Variants in CUX2 observed in about 807,000 individuals in gnomAD.
The protein encoded by CUX2 is cut like homeobox 2.
Under a neutral mutation model 144.8 loss-of-function variants are expected in CUX2, and 40 were observed. The observed-to-expected ratio is 0.28, with a 90% confidence interval of 0.21 to 0.36. The LOEUF (loss-of-function observed/expected upper bound fraction) is 0.36, where lower values mean the gene tolerates loss of function less well. Among genes scored for constraint, CUX2 ranks in the 10% least tolerant of loss-of-function variants. The pLI, the probability that CUX2 is intolerant of heterozygous loss-of-function variation, is 1.00. For synonymous variants in CUX2, 827 were observed against 875.6 expected (o/e 0.94, Z 0.98); for missense variants, 1,615 against 1,994.0 (o/e 0.81, Z 3.62).
intron 1 of CUX2, among the ~76,000 whole-genome samples, chr12:111,049,253 C>T (rs73411401): frequency 0.029 from 4,343 of 152,020 alleles, 187 homozygotes; most frequent in African/African-American, 0.099. Context: ...ACGAATTCCT[C>T]CACCCATCCA....
intron 3 of CUX2, among the ~76,000 whole-genome samples, chr12:111,245,632 T>G (rs1271763296): frequency 6.6e-6 from 1 of 152,092 alleles, no homozygotes; most frequent in Non-Finnish European, 1.5e-5. Flanking sequence ...AGAAAAATGA[T>G]GCTGCTGGTA....
intron 1 of CUX2, among the ~76,000 whole-genome samples, chr12:111,109,469 G>T (rs1367851614): frequency 6.6e-6 from 1 of 152,122 alleles, no homozygotes; most frequent in Non-Finnish European, 1.5e-5. Flanking sequence ...TCCCATCTCT[G>T]GCATGTGGGG....
intron 1 of CUX2, among the ~76,000 whole-genome samples, chr12:111,113,435 C>T (rs1374568133): frequency 6.6e-6 from 1 of 152,054 alleles, no homozygotes; most frequent in Non-Finnish European, 1.5e-5. Context: ...CAACCCTTCC[C>T]CCACCCCCTA....
At chr12:111,313,662 G>A (rs1887020085) in intron 16 of CUX2, among the ~76,000 whole-genome samples, 1 of 151,942 alleles carries the variant, frequency 6.6e-6, no homozygotes, top group African/African-American at 2.4e-5. Flanking sequence ...AAAAAAAATG[G>A]GGACTGTATT....
chr12:111,090,599 G>C (rs1179067965), intron 1 of CUX2, among the ~76,000 whole-genome samples: 1 of 152,034 alleles, frequency 6.6e-6, no homozygotes, highest in Non-Finnish European at 1.5e-5. Context: ...TTTGGTCTCT[G>C]TAAAACAGAG....
At chr12:111,158,061 A>G (rs1877511232) in intron 1 of CUX2, among the ~76,000 whole-genome samples, 1 of 152,232 alleles carries the variant, frequency 6.6e-6, no homozygotes, top group East Asian at 1.9e-4. Context: ...GATTCCACAG[A>G]GACGCAATCA....
At chr12:111,040,055 G>C (rs973306479) in intron 1 of CUX2, among the ~76,000 whole-genome samples, 1 of 152,110 alleles carries the variant, frequency 6.6e-6, no homozygotes, top group Admixed American at 6.5e-5. Flanking sequence ...GGCAGGCTGA[G>C]GTGGGAGGAT....
intron 16 of CUX2, among the ~76,000 whole-genome samples, chr12:111,314,520 A>G (rs1208751316): frequency 6.6e-6 from 1 of 152,048 alleles, no homozygotes; most frequent in Non-Finnish European, 1.5e-5. Flanking sequence ...AGGTGCCTGT[A>G]ATCCCAGCTA....
chr12:111,245,794 TCCACAACC>T (rs1311619303), intron 3 of CUX2, among the ~76,000 whole-genome samples: 2 of 151,852 alleles, frequency 1.3e-5, no homozygotes, highest in African/African-American at 4.8e-5. Context: ...TGTGTCCAGG[TCCACAACC>T]TGGACACAAA....
At chr12:111,221,561 A>G (rs928401524) in intron 3 of CUX2, among the ~76,000 whole-genome samples, 1 of 152,060 alleles carries the variant, frequency 6.6e-6, no homozygotes, top group Non-Finnish European at 1.5e-5. Flanking sequence ...AGCCCATAAA[A>G]CGCCAGGGCA....
intron 1 of CUX2, among the ~76,000 whole-genome samples, chr12:111,165,295 T>TCATGGAGGGCCATGGTGACCCA (rs2136157158): frequency 6.6e-6 from 1 of 152,192 alleles, no homozygotes; most frequent in African/African-American, 2.4e-5. Flanking sequence ...AGTAGGAAGG[T>TCATGGAGGGCCATGGTGACCCA]CATGGAGGGC....
At chr12:111,280,197 G>C (rs1050870174) in intron 4 of CUX2, among the ~76,000 whole-genome samples, 1 of 152,150 alleles carries the variant, frequency 6.6e-6, no homozygotes, top group Admixed American at 6.5e-5. Context: ...TCTGAGGCAG[G>C]AGAATCGCTT....
intron 4 of CUX2, among the ~76,000 whole-genome samples, chr12:111,272,711 G>A (rs543537774): frequency 2.6e-4 from 39 of 152,270 alleles, no homozygotes; most frequent in Non-Finnish European, 4.7e-4. Context: ...TGATCCACCT[G>A]CCTCGGCCTC....
intron 1 of CUX2, among the ~76,000 whole-genome samples, chr12:111,086,899 A>C (rs1331276612): frequency 6.6e-6 from 1 of 152,174 alleles, no homozygotes. Context: ...AGACCCCATC[A>C]CTAAAAAAAG....
chr12:111,341,925 C>G lies in CUX2; in HGVS notation c.3531C>G (p.Pro1177=), dbSNP rs779066982. The change falls in exon 21 of 22, where the codon CCC becomes CCG. Residue 1177 remains proline, a synonymous_variant. Transcript: ENST00000261726. The stretch of plus-strand genomic sequence containing the variant: ...AGAAGCCCCGGGTGGTGCTGGCACC[C>G]GAGGAGAAGGAGGCACTGCGGAAGG... The part of the protein sequence containing the change: ...QIKKPRVVLA[P]EEKEALRKAY... 7.4e-6 allele frequency: 12 copies of G among 1,614,074 alleles called. No individual in the cohort carries two copies. The highest frequency in any genetic ancestry group is 6.7e-5 in the African/African-American group (5 of 75,014).
intron 1 of CUX2, among the ~76,000 whole-genome samples, chr12:111,146,489 C>T (rs1330325315): frequency 6.6e-6 from 1 of 152,154 alleles, no homozygotes; most frequent in African/African-American, 2.4e-5. Flanking sequence ...GATACTTCTG[C>T]ATGGCAGCCC....
At position 111,293,724 on chromosome 12, in the gene CUX2, C is replaced by T. The variant is rs1028052189; in HGVS notation, c.560+155C>T. 5.8e-4 allele frequency among the ~76,000 whole-genome samples: 89 copies of T among 152,152 alleles called. No individual in the cohort carries two copies. Among genetic ancestry groups the T allele is most frequent in the Admixed American group, 5.5e-3 (84 of 15,266 alleles). ...AGGGCCGAGGGCTTTGGACTCCAACCGGGTCTGGGTTCAAGTTCCACTGCA... is the reference window on the plus strand; with the variant it reads ...AGGGCCGAGGGCTTTGGACTCCAACTGGGTCTGGGTTCAAGTTCCACTGCA... On this transcript the variant is annotated intron_variant, in intron 6 of 21. Coordinates refer to ENST00000261726, the MANE Select transcript of CUX2 (RefSeq NM_015267.4). The surrounding 1 kb of genome is among the most constrained non-coding windows in gnomAD (Gnocchi z 4.5).
chr12:111,245,757 G>A (rs1883251365), intron 3 of CUX2, among the ~76,000 whole-genome samples: 1 of 152,102 alleles, frequency 6.6e-6, no homozygotes, highest in Non-Finnish European at 1.5e-5. Context: ...AAGGAGCTGG[G>A]TATGCCCCAC....
chr12:111,145,312 A>G (rs1006032125), intron 1 of CUX2, among the ~76,000 whole-genome samples: 1 of 152,218 alleles, frequency 6.6e-6, no homozygotes, highest in African/African-American at 2.4e-5. Context: ...CCTATGAGGA[A>G]TGTATTCAGC....
Sources: allele counts gnomAD v4.1 joint callset (sites outside exome capture counted in the v4.1 genomes callset), GRCh38; gene constraint gnomAD v4.1.1; non-coding constraint Gnocchi (gnomAD v3.1); transcripts MANE v1.5; gene names NCBI Gene and HGNC (gene_info 2026-07-23, HGNC 2026-07-21).